Variants in DSTYK observed in about 807,000 individuals in gnomAD.
DSTYK encodes dual serine/threonine and tyrosine protein kinase.
Under a neutral mutation model 98.7 loss-of-function variants are expected in DSTYK, and 34 were observed. The ratio of observed to expected loss-of-function variants is 0.34; its 90% CI spans 0.26 to 0.46. The LOEUF is 0.46. Ranked by LOEUF, DSTYK falls within the 20% of genes least tolerant of loss-of-function variation. DSTYK has a pLI of 1.00. For missense variants in DSTYK, 962 were observed against 1,181.7 expected (o/e 0.81, Z 2.73); for synonymous variants, 462 against 457.3 (o/e 1.01, Z -0.13).
chr1:205,186,535 T>G (rs1574785262), intron 2 of DSTYK, among the ~76,000 whole-genome samples: 1 of 152,182 alleles, frequency 6.6e-6, no homozygotes, highest in East Asian at 1.9e-4. Flanking sequence ...AAGAAACCAC[T>G]CTTTCAGGTC....
At position 205,187,399 on chromosome 1, in the gene DSTYK, A is replaced by G. The variant is rs374368144; in HGVS notation, c.654+19T>C. On this transcript the variant is annotated intron_variant, in intron 2 of 12. Transcript: ENST00000367162. ...TGGTATATATGTATACAATTGGTAT[A>G]GAAGTATGAGATTGGTACCTGTAAG... 3.7e-5 allele frequency: 59 copies of G among 1,588,730 alleles called. No homozygotes were observed. Among genetic ancestry groups the G allele is most frequent in the Non-Finnish European group, 5.0e-5 (58 of 1,165,998 alleles).
At chr1:205,168,344 T>C (rs1284538306) in intron 3 of DSTYK, among the ~76,000 whole-genome samples, 1 of 152,202 alleles carries the variant, frequency 6.6e-6, no homozygotes, top group Non-Finnish European at 1.5e-5. Context: ...TTACTTACTC[T>C]TTCTAAGCCT....
chr1:205,202,677 G>A (rs1055064706), intron 1 of DSTYK: 10 of 1,161,394 alleles, frequency 8.6e-6, no homozygotes, highest in African/African-American at 1.5e-5. Flanking sequence ...CAGAAGAGGA[G>A]GGTGCCCAGA....
rs1657305325 is a variant in DSTYK at position 205,148,340 on chromosome 1, C to T, written c.2468-1G>A. On this transcript the variant is annotated splice_acceptor_variant, in intron 11 of 12. Coordinates refer to ENST00000367162, the MANE Select transcript of DSTYK (RefSeq NM_015375.3). LOFTEE classifies it high-confidence loss of function. ...ACATCCACGGAATTATCGTACTTCC[C>T]TGATGGCAAGAAAGGATGAAACGTA... 1 of 1,613,502 alleles carries T rather than the reference C, an allele frequency of 6.2e-7. No individual in the cohort carries two copies. The highest frequency in any genetic ancestry group is 1.3e-5 in the African/African-American group (1 of 74,916).
At chr1:205,199,159 T>A (rs1487397404) in intron 1 of DSTYK, among the ~76,000 whole-genome samples, 3 of 152,174 alleles carry the variant, frequency 2.0e-5, no homozygotes, top group Admixed American at 2.0e-4. Context: ...ACTCCCATCA[T>A]CCTGCCCAGA....
At chr1:205,202,324 C>T in intron 1 of DSTYK, 6 of 694,196 alleles carry the variant, frequency 8.6e-6, no homozygotes, top group Admixed American at 3.5e-5. Flanking sequence ...CGAAAAGCCA[C>T]GAAGTATCTG....
At chr1:205,202,077 G>A (rs1659055981) in intron 1 of DSTYK, 1 of 382,680 alleles carries the variant, frequency 2.6e-6, no homozygotes, top group Admixed American at 3.3e-5. Flanking sequence ...GAAGGGGAGA[G>A]GGGAAAGGGA....
rs1657102742 is a variant in DSTYK at position 205,142,541 on chromosome 1, G to A, written c.*5017C>T. 2 of 152,160 alleles carry A rather than the reference G, an allele frequency of 1.3e-5. No homozygotes were observed. The highest frequency in any genetic ancestry group is 6.5e-5 in the Admixed American group (1 of 15,274). 9.4% of individuals were successfully genotyped at this position (152,160 alleles called of 1,614,324 possible). The stretch of plus-strand genomic sequence containing the variant: ...TGATCTTTATTATACAGCACATCTG[G>A]TATTTGTGTATCCCAACAAGTATAC... On this transcript the variant is annotated 3_prime_UTR_variant, in exon 13 of 13. Transcript: ENST00000367162.
chr1:205,207,102 A>G (rs1659225576), intron 1 of DSTYK, among the ~76,000 whole-genome samples: 2 of 146,308 alleles, frequency 1.4e-5, no homozygotes, highest in South Asian at 4.3e-4. Context: ...TTTTTGAGAC[A>G]GAGTCTTGCT....
intron 1 of DSTYK, among the ~76,000 whole-genome samples, chr1:205,188,413 T>C (rs1574787327): frequency 6.6e-6 from 1 of 152,306 alleles, no homozygotes; most frequent in African/African-American, 2.4e-5. Flanking sequence ...ACCTAGGCTA[T>C]AGGGTGTAGC....
chr1:205,161,143 T>C, intron 7 of DSTYK, 115 bp downstream of exon 7: 1 of 1,348,056 alleles, frequency 7.4e-7, no homozygotes, highest in Middle Eastern at 2.4e-4. Context: ...CAGTAAGGGT[T>C]TAGGCAGCTT....
At chr1:205,174,981 C>T (rs2102424215) in intron 2 of DSTYK, among the ~76,000 whole-genome samples, 1 of 152,154 alleles carries the variant, frequency 6.6e-6, no homozygotes, top group Middle Eastern at 3.4e-3. Context: ...AGGTGATCCA[C>T]TCACCTTGGT....
intron 2 of DSTYK, among the ~76,000 whole-genome samples, chr1:205,179,398 A>T (rs1658327102): frequency 6.6e-6 from 1 of 151,976 alleles, no homozygotes; most frequent in African/African-American, 2.4e-5. Flanking sequence ...ATGTGGGTGG[A>T]TCTTGAGGTC....
chr1:205,164,638 T>C (rs1352593431), intron 3 of DSTYK, among the ~76,000 whole-genome samples: 2 of 152,028 alleles, frequency 1.3e-5, no homozygotes, highest in East Asian at 3.9e-4. Flanking sequence ...ATTTTTTGTA[T>C]TTTTAGTAGA....
Position 205,144,468 on chromosome 1 carries a change from G to A in DSTYK, c.*3090C>T, listed in dbSNP as rs12040428. On this transcript the variant is annotated 3_prime_UTR_variant, in exon 13 of 13. Coordinates refer to ENST00000367162, the MANE Select transcript of DSTYK (RefSeq NM_015375.3). ...CTTTGAAAACCTAGTGTCCTCCCAA[G>A]TAATATACAATACAGTACATTTCAT... is the stretch of plus-strand genomic sequence containing the variant. The A allele has an allele frequency of 0.19, 28,567 of 152,326 alleles. 3,440 individuals carry two copies. Among genetic ancestry groups the A allele is most frequent in the East Asian group, 0.51 (2,631 of 5,140 alleles). 9.4% of individuals were successfully genotyped at this position (152,326 alleles called of 1,614,324 possible). A position where few individuals can be genotyped will look rare whatever the true frequency, so the allele number is the denominator to read the frequency against.
Position 205,169,570 on chromosome 1 carries a change from T to G in DSTYK, c.917A>C (p.Gln306Pro). The G allele has an allele frequency of 1.2e-6, 2 of 1,614,180 alleles. No homozygotes were observed. Among genetic ancestry groups the G allele is most frequent in the Non-Finnish European group, 1.7e-6 (2 of 1,180,008 alleles). ...GCTCAGATAGCCCAGGTCAATTAGC[T>G]GGCGATAAAGCGGTGATCTTTCGCT... ...MESERSPLYR[Q>P]LIDLGYLSSS... The change falls in exon 3 of 13, where the codon CAG becomes CCG. Residue 306 changes from glutamine (Q) to proline (P), a missense_variant. Gln to Pro is a moderately conservative substitution (Grantham distance 76). Transcript: ENST00000367162. The surrounding 1 kb of genome is among the most constrained non-coding windows in gnomAD (Gnocchi z 4.0).
intron 2 of DSTYK, among the ~76,000 whole-genome samples, chr1:205,184,758 CCACAGGTGTGTA>C (rs1658516991): frequency 6.6e-6 from 1 of 152,152 alleles, no homozygotes; most frequent in South Asian, 2.1e-4. Flanking sequence ...GTGGCTCAGA[CCACAGGTGTGTA>C]CACAGGATCT....
Position 205,148,242 on chromosome 1 carries a change from A to C in DSTYK, c.2565T>G (p.Cys855Trp), listed in dbSNP as rs371120241. 4.3e-6 allele frequency: 7 copies of C among 1,614,138 alleles called. No individual in the cohort carries two copies. The highest frequency in any genetic ancestry group is 5.9e-6 in the Non-Finnish European group (7 of 1,180,002). The change falls in exon 12 of 13, where the codon TGT becomes TGG. Residue 855 changes from cysteine (C) to tryptophan (W), a missense_variant. By Grantham distance (215) the Cys-to-Trp change is radical (BLOSUM62 -2). This residue lies in a region of DSTYK where 69 missense variants were observed against 142.9 expected (regional missense o/e 0.48). Coordinates refer to ENST00000367162, the MANE Select transcript of DSTYK (RefSeq NM_015375.3). ...SVKLPEAFER[C>W]ASKDHLWNNV... ...TGTTCCAGAGATGGTCTTTGCTAGCACACCTCTCAAATGCCTCAGGGAGCT... is the reference window on the plus strand; with the variant it reads ...TGTTCCAGAGATGGTCTTTGCTAGCCCACCTCTCAAATGCCTCAGGGAGCT...
At chr1:205,202,186 T>C (rs1659063827) in intron 1 of DSTYK, 24 of 559,202 alleles carry the variant, frequency 4.3e-5, no homozygotes, top group South Asian at 3.3e-4. Context: ...AGGTAATCCG[T>C]GAAAATGGTT....
Sources: gnomAD v4.1 joint callset for allele counts (sites outside exome capture counted in the v4.1 genomes callset) on GRCh38, gnomAD v4.1.1 for gene constraint, gnomAD v4.1.1 regional missense constraint, Gnocchi (gnomAD v3.1) non-coding constraint, MANE v1.5 for transcripts, NCBI Gene and HGNC (gene_info 2026-07-23, HGNC 2026-07-21) for gene names.